Variants in NUP50 observed in about 807,000 individuals in gnomAD.
The protein encoded by NUP50 is nucleoporin 50, also known as nuclear pore complex protein Nup50.
NUP50 carries 14 observed loss-of-function variants against 36.8 expected under a neutral mutation model. The observed-to-expected ratio is 0.38, with a 90% confidence interval of 0.25 to 0.59. The LOEUF (loss-of-function observed/expected upper bound fraction) is 0.59. Ranked by LOEUF, NUP50 falls within the 20% of genes least tolerant of loss-of-function variation. The pLI is 0.63. For missense variants in NUP50, 455 were observed against 564.6 expected (o/e 0.81, Z 1.97); for synonymous variants, 195 against 210.8 (o/e 0.93, Z 0.65).
In NUP50 at chr22:45,164,205, G is replaced by C. The variant is rs937040095; in HGVS notation, c.-102G>C. On this transcript the variant is annotated 5_prime_UTR_variant, in exon 1 of 8. Coordinates refer to ENST00000347635, the MANE Select transcript of NUP50 (RefSeq NM_007172.4). ...GAAGCGGCCGAGCGCGCTCAGCCCG[G>C]CGACCCCTGCGGGCTCCAGACCCCT... The C allele has an allele frequency of 1.3e-5, 2 of 152,400 alleles. No individual in the cohort carries two copies. The highest frequency in any genetic ancestry group is 3.9e-4 in the East Asian group (2 of 5,162). 9.4% of individuals were successfully genotyped at this position (152,400 alleles called of 1,614,324 possible).
At position 45,175,710 on chromosome 22, in the gene NUP50, C is replaced by G. The variant is rs1310322933; in HGVS notation, c.154-184C>G. 9 of 516,554 alleles carry G rather than the reference C, an allele frequency of 1.7e-5. No individual in the cohort carries two copies. In the East Asian group the frequency reaches 2.2e-4, roughly 13 times the overall value. 32.0% of individuals were successfully genotyped at this position (516,554 alleles called of 1,614,324 possible). A position where few individuals can be genotyped will look rare whatever the true frequency, so the allele number is the denominator to read the frequency against. On this transcript the variant is annotated intron_variant, in intron 3 of 7. Transcript: ENST00000347635. ...AGGAAAGCAGCTTTGGGTTGCAAAGCTGTTCTTATGAATACAATCTTCCCA... is the reference window on the plus strand; with the variant it reads ...AGGAAAGCAGCTTTGGGTTGCAAAGGTGTTCTTATGAATACAATCTTCCCA...
chr22:45,179,093 T>C, intron 5 of NUP50, 193 bp downstream of exon 5: 1 of 522,672 alleles, frequency 1.9e-6, no homozygotes. Flanking sequence ...AAGACTTTTG[T>C]AGGGTTGTTT....
chr22:45,179,585 C>A (rs1347006361), intron 5 of NUP50, among the ~76,000 whole-genome samples: 1 of 152,184 alleles, frequency 6.6e-6, no homozygotes, highest in African/African-American at 2.4e-5. Flanking sequence ...ACACCTACTT[C>A]TAAGCAGTTG....
intron 2 of NUP50, among the ~76,000 whole-genome samples, chr22:45,170,816 T>A (rs934566272): frequency 6.6e-6 from 1 of 152,206 alleles, no homozygotes; most frequent in Admixed American, 6.5e-5. Context: ...CATTCGAACA[T>A]ATGCCAATGA....
At chr22:45,167,400 A>G (rs1361402100) in intron 1 of NUP50, among the ~76,000 whole-genome samples, 1 of 152,164 alleles carries the variant, frequency 6.6e-6, no homozygotes, top group Non-Finnish European at 1.5e-5. Flanking sequence ...ATTTTAAGGG[A>G]TGGACAGGAG....
chr22:45,179,639 CT>C (rs1293009383), intron 5 of NUP50, among the ~76,000 whole-genome samples: 2 of 152,220 alleles, frequency 1.3e-5, no homozygotes, highest in African/African-American at 4.8e-5. Flanking sequence ...AATCCCAGCA[CT>C]TCGGGAGGCC....
intron 5 of NUP50, among the ~76,000 whole-genome samples, chr22:45,179,833 G>A (rs916134118): frequency 4.6e-5 from 7 of 152,148 alleles, no homozygotes; most frequent in Admixed American, 2.0e-4. Flanking sequence ...GCCATGAGCC[G>A]TGGTTGCATC....
intron 2 of NUP50, 63 bp from the exon 3 acceptor site, chr22:45,171,537 G>A: frequency 7.1e-7 from 1 of 1,413,866 alleles, no homozygotes; most frequent in African/African-American, 1.4e-5. Context: ...TGTTGTTGTT[G>A]TTGAGGATTT....
At chr22:45,184,162 G>T in intron 7 of NUP50, 1 of 430,042 alleles carries the variant, frequency 2.3e-6, no homozygotes, top group Non-Finnish European at 4.2e-6. Context: ...GACGGACAGT[G>T]TTGAGAGGGC....
At chr22:45,177,261 GC>G (rs1184447680) in intron 4 of NUP50, among the ~76,000 whole-genome samples, 1 of 152,120 alleles carries the variant, frequency 6.6e-6, no homozygotes, top group Non-Finnish European at 1.5e-5. Context: ...GCTCACTGCA[GC>G]CACAACCTCC....
chr22:45,177,594 A>C (rs1329594840), intron 4 of NUP50: 1 of 152,820 alleles, frequency 6.5e-6, no homozygotes, highest in Admixed American at 6.5e-5. Context: ...CTGCTGTTCT[A>C]ACAGTGCTGT....
Position 45,178,640 on chromosome 22 carries a change from A to T in NUP50, c.743A>T (p.Asp248Val). 3.1e-6 allele frequency: 5 copies of T among 1,612,028 alleles called. No homozygotes were observed. The highest frequency in any genetic ancestry group is 4.2e-6 in the Non-Finnish European group (5 of 1,179,856). The change falls in exon 5 of 8, where the codon GAC becomes GTC. Residue 248 changes from aspartate (D) to valine (V), a missense_variant. Transcript: ENST00000347635. ...GGCAACAAAACTGAAGATACACCTGACAAGAAGATGGAGGTGGCATCTGAA... is the reference window on the plus strand; with the variant it reads ...GGCAACAAAACTGAAGATACACCTGTCAAGAAGATGGAGGTGGCATCTGAA... ...FHGNKTEDTP[D>V]KKMEVASEKK...
intron 3 of NUP50, chr22:45,175,673 C>G: frequency 2.2e-6 from 1 of 452,072 alleles, no homozygotes; most frequent in African/African-American, 2.0e-5. Context: ...AAATGTCCTT[C>G]CTGCCTGTTT....
At chr22:45,179,232 A>G (rs2074327975) in intron 5 of NUP50, 1 of 227,438 alleles carries the variant, frequency 4.4e-6, no homozygotes, top group African/African-American at 2.3e-5. Context: ...GGAAAAGTTC[A>G]TCAAGTTCAT....
Position 45,171,838 on chromosome 22 carries a change from G to A in NUP50, c.153+155G>A, listed in dbSNP as rs148770857. On this transcript the variant is annotated intron_variant, in intron 3 of 7. Transcript: ENST00000347635. ...TGGGAGATAGAAAAAAATAAGAAACGTCAGGTCTGGACCTTAAAGAGAGCT... is the reference window on the plus strand; with the variant it reads ...TGGGAGATAGAAAAAAATAAGAAACATCAGGTCTGGACCTTAAAGAGAGCT... 3,399 of 613,620 alleles carry A rather than the reference G, an allele frequency of 5.5e-3. 50 individuals carry two copies. The highest frequency in any genetic ancestry group is 0.027 in the South Asian group (1,324 of 49,592). The allele number at this position is 613,620 out of a possible 1,614,324, so 38.0% of individuals were successfully genotyped here.
intron 1 of NUP50, chr22:45,164,843 G>T: frequency 6.5e-6 from 1 of 152,952 alleles, no homozygotes; most frequent in Non-Finnish European, 1.5e-5. Context: ...CCCCCTGGCC[G>T]CCCCTCGTCT....
intron 4 of NUP50, 81 bp from the exon 5 acceptor site, chr22:45,178,157 A>T: frequency 1.6e-6 from 2 of 1,260,580 alleles, no homozygotes; most frequent in Non-Finnish European, 2.3e-6. Context: ...AGCAGAAAGT[A>T]TGAAGGCAGA....
At position 45,177,994 on chromosome 22, in the gene NUP50, C is replaced by T. The variant is rs1277863813; in HGVS notation, c.341-244C>T. ...TACAAAAATTAGCCGGGTGTGGTGGCGGGTGCCCGTAATCCCACCTACTCG... is the reference window on the plus strand; with the variant it reads ...TACAAAAATTAGCCGGGTGTGGTGGTGGGTGCCCGTAATCCCACCTACTCG... On this transcript the variant is annotated intron_variant, in intron 4 of 7. Coordinates refer to ENST00000347635, the MANE Select transcript of NUP50 (RefSeq NM_007172.4). 21 of 450,222 alleles carry T rather than the reference C, an allele frequency of 4.7e-5. No homozygotes were observed. The South Asian group carries it at 5.0e-4, about 11-fold the overall frequency. 27.9% of individuals were successfully genotyped at this position (450,222 alleles called of 1,614,324 possible).
In NUP50 at chr22:45,172,940, C is replaced by G. The variant is rs147676212; in HGVS notation, c.153+1257C>G. ...TAATTCGAGGCAGAGATACGTAATC[C>G]TACATGAAATCGATTCTCAGGTGGT... On this transcript the variant is annotated intron_variant, in intron 3 of 7. Coordinates refer to ENST00000347635, the MANE Select transcript of NUP50 (RefSeq NM_007172.4). 3.3e-3 allele frequency among the ~76,000 whole-genome samples: 503 copies of G among 152,278 alleles called. 3 individuals are homozygous for G. The highest frequency in any genetic ancestry group is 0.011 in the African/African-American group (466 of 41,560).
Sources: allele counts gnomAD v4.1 joint callset (sites outside exome capture counted in the v4.1 genomes callset), GRCh38; gene constraint gnomAD v4.1.1; transcripts MANE v1.5; gene names NCBI Gene and HGNC (gene_info 2026-07-23, HGNC 2026-07-21).